VIT: variants seen among roughly 807,000 people sequenced by gnomAD.
VIT encodes the protein vitrin.
Under a neutral mutation model 78.0 loss-of-function variants are expected in VIT, and 99 were observed. The observed-to-expected ratio is 1.27, with a 90% CI of 1.08 to 1.50. VIT has a LOEUF of 1.50. Ranked by LOEUF, VIT falls within the 40% of genes most tolerant of loss-of-function variation. VIT has a pLI of 0.00. For synonymous variants in VIT, 374 were observed against 334.3 expected (o/e 1.12, Z -1.29); for missense variants, 1,126 against 875.3 (o/e 1.29, Z -3.61).
intron 3 of VIT, among the ~76,000 whole-genome samples, chr2:36,735,967 C>T (rs577128539): frequency 2.6e-5 from 4 of 152,248 alleles, no homozygotes; most frequent in African/African-American, 9.6e-5. Flanking sequence ...TGGGAAGAAA[C>T]GTAAGTTAAT....
intron 9 of VIT, among the ~76,000 whole-genome samples, chr2:36,779,923 G>A (rs1008587275): frequency 6.6e-6 from 1 of 151,874 alleles, no homozygotes; most frequent in Non-Finnish European, 1.5e-5. Flanking sequence ...GCAAAAAACT[G>A]GAGGCAAACC....
chr2:36,771,525 C>CAAAAA (rs1228263784), intron 7 of VIT, among the ~76,000 whole-genome samples: 1 of 66,134 alleles, frequency 1.5e-5, no homozygotes. Context: ...GACTTCATCT[C>CAAAAA]AAAAAAAAAA....
At chr2:36,751,741 A>G (rs1392734881) in intron 4 of VIT, among the ~76,000 whole-genome samples, 1 of 152,190 alleles carries the variant, frequency 6.6e-6, no homozygotes, top group Non-Finnish European at 1.5e-5. Flanking sequence ...CTTGTTTTGC[A>G]AAAAACAAGA....
At chr2:36,782,705 C>T (rs1343554881) in intron 10 of VIT, among the ~76,000 whole-genome samples, 1 of 152,236 alleles carries the variant, frequency 6.6e-6, no homozygotes, top group Non-Finnish European at 1.5e-5. Flanking sequence ...AAGACACCCC[C>T]TTCCCCAAGG....
At chr2:36,751,631 G>A (rs1213332459) in intron 4 of VIT, among the ~76,000 whole-genome samples, 1 of 152,142 alleles carries the variant, frequency 6.6e-6, no homozygotes, top group Non-Finnish European at 1.5e-5. Flanking sequence ...GCATTGACAG[G>A]ACCAAGGCTC....
intron 4 of VIT, among the ~76,000 whole-genome samples, chr2:36,745,288 T>G (rs1446233273): frequency 6.6e-6 from 1 of 152,140 alleles, no homozygotes; most frequent in Non-Finnish European, 1.5e-5. Context: ...TTTTTTTGGC[T>G]CTTCAGGCTC....
chr2:36,794,953 G>A (rs1353169031), intron 12 of VIT, among the ~76,000 whole-genome samples: 1 of 152,194 alleles, frequency 6.6e-6, no homozygotes, highest in Admixed American at 6.5e-5. Context: ...TGTAATAGAA[G>A]CAAGGGGTGG....
chr2:36,790,785 G>A (rs1558575628), intron 12 of VIT, among the ~76,000 whole-genome samples: 1 of 152,222 alleles, frequency 6.6e-6, no homozygotes, highest in Non-Finnish European at 1.5e-5. Flanking sequence ...CTGAGACATC[G>A]TGTGTGGACA....
chr2:36,797,454 C>T (rs146452316), intron 12 of VIT, among the ~76,000 whole-genome samples: 25 of 152,186 alleles, frequency 1.6e-4, no homozygotes, highest in Non-Finnish European at 2.5e-4. Context: ...TCTGACAGGA[C>T]GTGGTATTTG....
intron 12 of VIT, among the ~76,000 whole-genome samples, chr2:36,795,546 G>A (rs1025484033): frequency 6.6e-6 from 1 of 151,880 alleles, no homozygotes; most frequent in Non-Finnish European, 1.5e-5. Context: ...CCGAGTAGCT[G>A]GGATTACAGG....
chr2:36,783,315 C>T (rs766244376), intron 10 of VIT, 25 bp from the exon 11 acceptor site: 1 of 1,613,426 alleles, frequency 6.2e-7, no homozygotes, highest in South Asian at 1.1e-5. Context: ...TTGTAAGTCA[C>T]CAAAAGTTTT....
In VIT at chr2:36,702,166, A is replaced by T; in HGVS notation, c.-19+5193A>T. ...TCCCTCAGGGAAGAGCATTCCAGGCAGAGGGAAAAGCAAATGAAACAGCCC... is the reference window on the plus strand; with the variant it reads ...TCCCTCAGGGAAGAGCATTCCAGGCTGAGGGAAAAGCAAATGAAACAGCCC... On this transcript the variant is annotated intron_variant, in intron 1 of 15. Transcript: ENST00000379242. Among the ~76,000 whole-genome samples the T allele has an allele frequency of 1.3e-5, 2 of 152,188 alleles. 1 individual carries two copies. The highest frequency in any genetic ancestry group is 3.9e-4 in the East Asian group (2 of 5,186).
chr2:36,811,549 T>A (rs1342943300), intron 15 of VIT, among the ~76,000 whole-genome samples: 4 of 152,208 alleles, frequency 2.6e-5, no homozygotes, highest in Non-Finnish European at 5.9e-5. Flanking sequence ...ATTGTGTTCC[T>A]GGGAGTATCC....
At chr2:36,793,947 G>C (rs11677279) in intron 12 of VIT, among the ~76,000 whole-genome samples, 98,257 of 151,938 alleles carry the variant, frequency 0.65, 32,521 homozygotes, top group East Asian at 0.99. Context: ...CTGGATCTCC[G>C]AGCCCCATGG....
At position 36,808,874 on chromosome 2, in the gene VIT, G is replaced by A; in HGVS notation, c.1792G>A (p.Glu598Lys). ...STGAAINFAL[E>K]QLFKKSKPNK... ...GGGGGCTGCCATCAACTTCGCCCTG[G>A]AGCAGCTCTTCAAGAAGTCCAAGCC... is the stretch of plus-strand genomic sequence containing the variant. Residue 598 changes from glutamate to lysine, a missense_variant, in exon 15 of 16, where the codon GAG becomes AAG. Transcript: ENST00000379242. 2 of 1,614,152 alleles carry A rather than the reference G, an allele frequency of 1.2e-6. No individual in the cohort carries two copies. Among genetic ancestry groups the A allele is most frequent in the Non-Finnish European group, 1.7e-6 (2 of 1,180,032 alleles).
At chr2:36,712,874 T>C in intron 1 of VIT, among the ~76,000 whole-genome samples, 1 of 152,246 alleles carries the variant, frequency 6.6e-6, no homozygotes, top group Non-Finnish European at 1.5e-5. Context: ...CAGTAGTTTC[T>C]AATGTATTCA....
chr2:36,757,170 G>C (rs1668816766), intron 5 of VIT, among the ~76,000 whole-genome samples: 2 of 152,234 alleles, frequency 1.3e-5, no homozygotes, highest in African/African-American at 2.4e-5. Flanking sequence ...TTCATGGCCA[G>C]CAAGTTTAAC....
chr2:36,809,512 G>T (rs562892817), intron 15 of VIT, among the ~76,000 whole-genome samples: 1 of 152,300 alleles, frequency 6.6e-6, no homozygotes, highest in East Asian at 1.9e-4. Context: ...CTGCCTCCCA[G>T]GTTGAAGCAA....
intron 7 of VIT, among the ~76,000 whole-genome samples, chr2:36,772,908 C>T (rs1669843784): frequency 6.6e-6 from 1 of 152,186 alleles, no homozygotes; most frequent in Non-Finnish European, 1.5e-5. Context: ...GCCTCTCTTT[C>T]CCTTCCAAAG....
Sources: allele counts gnomAD v4.1 joint callset (sites outside exome capture counted in the v4.1 genomes callset), GRCh38; gene constraint gnomAD v4.1.1; transcripts MANE v1.5; gene names NCBI Gene and HGNC (gene_info 2026-07-23, HGNC 2026-07-21).